The following SPRED2 variants were observed in gnomAD, a reference collection of about 807,000 sequenced individuals.
SPRED2 encodes the protein sprouty-related, EVH1 domain-containing protein 2.
In SPRED2, 47 loss-of-function variants were observed where a neutral mutation model predicts 43.0. The observed-to-expected ratio is 1.09, with a 90% CI of 0.87 to 1.40. The LOEUF is 1.40. SPRED2 is among the 40% of genes most tolerant of loss of function. The pLI, the probability that SPRED2 is intolerant of heterozygous loss-of-function variation, is 0.00. For missense variants in SPRED2, 561 were observed against 586.4 expected (o/e 0.96, Z 0.45); for synonymous variants, 225 against 225.7 (o/e 1.00, Z 0.03).
chr2:65,376,567 G>A (rs1384535785), intron 1 of SPRED2, among the ~76,000 whole-genome samples: 2 of 152,016 alleles, frequency 1.3e-5, no homozygotes, highest in African/African-American at 4.8e-5. Flanking sequence ...ACATGCCAGT[G>A]GTACCCATTT....
At chr2:65,377,645 C>A (rs115524563) in intron 1 of SPRED2, 1 of 471,266 alleles carries the variant, frequency 2.1e-6, no homozygotes, top group Non-Finnish European at 4.4e-6. Flanking sequence ...CTGACCTGAA[C>A]CCAGATGCCC....
chr2:65,375,384 T>C (rs531022113), intron 1 of SPRED2, among the ~76,000 whole-genome samples: 1 of 152,302 alleles, frequency 6.6e-6, no homozygotes, highest in South Asian at 2.1e-4. Context: ...GGGACAGAGA[T>C]CTGTAGGGGA....
chr2:65,309,514 A>AG, downstream of SPRED2, among the ~76,000 whole-genome samples: 1 of 151,512 alleles, frequency 6.6e-6, no homozygotes, highest in Non-Finnish European at 1.5e-5. Context: ...TCAAAAAAAA[A>AG]AAAAAAAAAA....
intron 1 of SPRED2, among the ~76,000 whole-genome samples, chr2:65,389,329 T>G (rs1429593177): frequency 6.7e-6 from 1 of 150,112 alleles, no homozygotes; most frequent in Non-Finnish European, 1.5e-5. Flanking sequence ...AAAGACACCC[T>G]ACTTTTACAG....
In SPRED2 at chr2:65,412,587, C is replaced by A. The variant is rs555610093; in HGVS notation, c.26+19375G>T. Among the ~76,000 whole-genome samples, 8 of 152,232 alleles carry A rather than the reference C, an allele frequency of 5.3e-5. No homozygotes were observed. In the South Asian group the frequency reaches 1.7e-3, roughly 32 times the overall value. Reference sequence around the variant, plus strand: ...TGACTGTTTAAGAGTGGATTTGCATCCCTGTTGTTCCTATAGACTGGATCT... The same window carrying A: ...TGACTGTTTAAGAGTGGATTTGCATACCTGTTGTTCCTATAGACTGGATCT... On this transcript the variant is annotated intron_variant, in intron 1 of 5. Transcript: ENST00000356388.
At chr2:65,412,023 G>A (rs564488633) in intron 1 of SPRED2, among the ~76,000 whole-genome samples, 2 of 151,980 alleles carry the variant, frequency 1.3e-5, no homozygotes, top group African/African-American at 4.8e-5. Context: ...AGCTACCCAG[G>A]AGGCTGAGGC....
In SPRED2 at chr2:65,432,087, G is replaced by A. The variant is rs537112069; in HGVS notation, c.-100C>T. 1.3e-6 allele frequency: 2 copies of A among 1,488,046 alleles called. No homozygotes were observed. The highest frequency in any genetic ancestry group is 2.3e-5 in the South Asian group (2 of 86,828). The allele number at this position is 1,488,046 out of a possible 1,614,324, so 92.2% of individuals were successfully genotyped here. A position where few individuals can be genotyped will look rare whatever the true frequency, so the allele number is the denominator to read the frequency against. Reference sequence around the variant, plus strand: ...TTCTTCACATCTCCGGAGATCGCCTGATTTGGGGAGGGGGGGCGGCTAGAG... The same window carrying A: ...TTCTTCACATCTCCGGAGATCGCCTAATTTGGGGAGGGGGGGCGGCTAGAG... On this transcript the variant is annotated 5_prime_UTR_variant, in exon 1 of 6. Coordinates refer to ENST00000356388, the MANE Select transcript of SPRED2 (RefSeq NM_181784.3).
chr2:65,364,559 T>C (rs1674919507), intron 1 of SPRED2, among the ~76,000 whole-genome samples: 1 of 152,210 alleles, frequency 6.6e-6, no homozygotes, highest in Non-Finnish European at 1.5e-5. Flanking sequence ...GTGATTATCA[T>C]TGTCCAATTT....
At chr2:65,323,250 C>G (rs938857554) in intron 4 of SPRED2, among the ~76,000 whole-genome samples, 1 of 152,200 alleles carries the variant, frequency 6.6e-6, no homozygotes, top group African/African-American at 2.4e-5. Flanking sequence ...CCACCTCAGC[C>G]TCCCAAAGTG....
At chr2:65,401,937 G>GCGCGCACACACACA (rs776512353) in intron 1 of SPRED2, among the ~76,000 whole-genome samples, 5,194 of 114,552 alleles carry the variant, frequency 0.045, 125 homozygotes, top group South Asian at 0.061. Flanking sequence ...GCGCGCGCGC[G>GCGCGCACACACACA]CACACACACA....
At chr2:65,320,411 T>C (rs1673375801) in intron 4 of SPRED2, among the ~76,000 whole-genome samples, 1 of 152,148 alleles carries the variant, frequency 6.6e-6, no homozygotes, top group Non-Finnish European at 1.5e-5. Flanking sequence ...CATTAGTCGA[T>C]CAGAAATGCT....
intron 4 of SPRED2, among the ~76,000 whole-genome samples, chr2:65,330,466 T>C (rs116647263): frequency 0.012 from 1,820 of 152,320 alleles, 34 homozygotes; most frequent in African/African-American, 0.04. Flanking sequence ...TTAAAAATTA[T>C]TTTTATTAGA....
At chr2:65,396,142 T>A (rs1675752145) in intron 1 of SPRED2, among the ~76,000 whole-genome samples, 1 of 152,202 alleles carries the variant, frequency 6.6e-6, no homozygotes, top group Admixed American at 6.5e-5. Context: ...ATAATGTGGG[T>A]GAGGCCTCAG....
chr2:65,331,953 C>T (rs1231066777), intron 4 of SPRED2, 34 bp downstream of exon 4: 1 of 1,539,494 alleles, frequency 6.5e-7, no homozygotes, highest in Non-Finnish European at 8.9e-7. Flanking sequence ...TATTCAACAA[C>T]TAATCTGGAA....
At position 65,431,876 on chromosome 2, in the gene SPRED2, A is replaced by T. The variant is rs530116190; in HGVS notation, c.26+86T>A. On this transcript the variant is annotated intron_variant, in intron 1 of 5. Transcript: ENST00000356388. ...GCTGCACCCCACGCCAAGTTCACCC[A>T]ATAAGCGTCCCCGCCCGCATCCTCA... 9.2e-6 allele frequency: 14 copies of T among 1,521,988 alleles called. No individual in the cohort carries two copies. In the South Asian group the frequency reaches 1.6e-4, roughly 17 times the overall value. The allele number at this position is 1,521,988 out of a possible 1,614,324, so 94.3% of individuals were successfully genotyped here.
At chr2:65,351,889 G>GA (rs1425518422) in intron 1 of SPRED2, among the ~76,000 whole-genome samples, 3 of 152,276 alleles carry the variant, frequency 2.0e-5, no homozygotes, top group African/African-American at 7.2e-5. Flanking sequence ...TTTAAAAGCG[G>GA]ACTGCCCTGG....
chr2:65,411,538 C>G (rs1266314220), intron 1 of SPRED2, among the ~76,000 whole-genome samples: 1 of 152,164 alleles, frequency 6.6e-6, no homozygotes, highest in Non-Finnish European at 1.5e-5. Context: ...TGAAATTAAG[C>G]TACAACAGGG....
chr2:65,311,567 GTC>G lies in SPRED2; in HGVS notation c.*1932_*1933del. ...AAAGACCCCAAGGAAGTGCCTCCGG[GTC>G]GGGGGAAGGTGGTCTCTCGACAGCA... On this transcript the variant is annotated 3_prime_UTR_variant, in exon 6 of 6. Coordinates refer to ENST00000356388, the MANE Select transcript of SPRED2 (RefSeq NM_181784.3). The G allele has an allele frequency of 1.0e-6, 1 of 985,906 alleles. No homozygotes were observed. Among genetic ancestry groups the G allele is most frequent in the Non-Finnish European group, 1.2e-6 (1 of 829,950 alleles). The allele number at this position is 985,906 out of a possible 1,614,324, so 61.1% of individuals were successfully genotyped here.
intron 1 of SPRED2, among the ~76,000 whole-genome samples, chr2:65,379,484 G>A (rs1458834950): frequency 2.6e-5 from 4 of 152,146 alleles, no homozygotes; most frequent in Non-Finnish European, 5.9e-5. Context: ...GACGAGCAAC[G>A]ATGAGCCTCT....
Sources: allele counts gnomAD v4.1 joint callset (sites outside exome capture counted in the v4.1 genomes callset), GRCh38; gene constraint gnomAD v4.1.1; transcripts MANE v1.5; gene names NCBI Gene and HGNC (gene_info 2026-07-23, HGNC 2026-07-21).